Variants in PTPN2 observed in about 807,000 individuals in gnomAD.
The protein encoded by PTPN2 is protein tyrosine phosphatase non-receptor type 2.
PTPN2 carries 19 observed loss-of-function variants against 57.3 expected under a neutral mutation model. The ratio of observed to expected loss-of-function variants is 0.33; its 90% CI spans 0.23 to 0.49. PTPN2 has a LOEUF of 0.49. Ranked by LOEUF, PTPN2 falls within the 20% of genes least tolerant of loss-of-function variation. The pLI, the probability that PTPN2 is intolerant of heterozygous loss-of-function variation, is 0.99. For synonymous variants in PTPN2, 153 were observed against 164.9 expected, an observed-to-expected ratio of 0.93 and a Z score of 0.55; for missense variants, 358 against 501.1, an observed-to-expected ratio of 0.71 and a Z score of 2.73.
chr18:12,840,983 T>C (rs2043025503), intron 2 of PTPN2: 1 of 1,436,324 alleles, frequency 7.0e-7, no homozygotes, highest in Admixed American at 2.7e-5. Flanking sequence ...TCATACACAA[T>C]TTTTAGTCAA....
intron 7 of PTPN2, among the ~76,000 whole-genome samples, chr18:12,803,958 T>C (rs1277319138): frequency 6.6e-6 from 1 of 152,058 alleles, no homozygotes; most frequent in Non-Finnish European, 1.5e-5. Flanking sequence ...ACATTCTCCA[T>C]GATGGACCAT....
chr18:12,805,639 CTTTTTTTTT>C (rs755422217), intron 7 of PTPN2, among the ~76,000 whole-genome samples: 3 of 114,160 alleles, frequency 2.6e-5, no homozygotes, highest in Non-Finnish European at 3.9e-5. Context: ...TGCCTCCTTT[CTTTTTTTTT>C]TTTTTTTTTG....
At chr18:12,842,001 G>A (rs1299672414) in intron 2 of PTPN2, among the ~76,000 whole-genome samples, 1 of 151,930 alleles carries the variant, frequency 6.6e-6, no homozygotes, top group East Asian at 1.9e-4. Flanking sequence ...CCACCTCCTG[G>A]GTTCAAGCAA....
rs530451531 is a variant in PTPN2, at chr18:12,811,128, G to A, written c.858+3075C>T. Among the ~76,000 whole-genome samples the A allele has an allele frequency of 3.3e-5, 5 of 152,154 alleles. 1 individual carries two copies. The Middle Eastern group carries it at 0.01, about 311-fold the overall frequency. ...ATTACCATTATTACACCCTTTTTACGGAAGATGTGGGGAGAATAATTAGGT... is the reference window on the plus strand; with the variant it reads ...ATTACCATTATTACACCCTTTTTACAGAAGATGTGGGGAGAATAATTAGGT... On this transcript the variant is annotated intron_variant, in intron 7 of 8. Coordinates refer to ENST00000309660, the MANE Select transcript of PTPN2 (RefSeq NM_002828.4).
intron 9 of PTPN2, chr18:12,786,218 C>G (rs2847296): frequency 0.97 from 264,268 of 271,226 alleles, 129,150 homozygotes; most frequent in East Asian, 1. Context: ...AGACTTTATA[C>G]TATGTGCTAG....
At chr18:12,820,744 G>A (rs1020227634) in intron 5 of PTPN2, among the ~76,000 whole-genome samples, 1 of 152,138 alleles carries the variant, frequency 6.6e-6, no homozygotes, top group African/African-American at 2.4e-5. Context: ...GGCTGTCCCT[G>A]TCTGCAGCCG....
At chr18:12,847,027 T>C (rs940913318) in intron 2 of PTPN2, among the ~76,000 whole-genome samples, 1 of 138,836 alleles carries the variant, frequency 7.2e-6, no homozygotes, top group Non-Finnish European at 1.5e-5. Context: ...GACAAAACTA[T>C]GTACAAGATT....
chr18:12,883,264 G>C (rs927839278), intron 1 of PTPN2, among the ~76,000 whole-genome samples: 1 of 152,228 alleles, frequency 6.6e-6, no homozygotes, highest in African/African-American at 2.4e-5. Context: ...ACCTCAGTAA[G>C]GAAAACTATA....
downstream of PTPN2, among the ~76,000 whole-genome samples, chr18:12,791,985 C>T (rs1359720781): frequency 6.6e-6 from 1 of 152,072 alleles, no homozygotes; most frequent in African/African-American, 2.4e-5. Flanking sequence ...AAAGACAAAC[C>T]AATGCAAACT....
intron 2 of PTPN2, among the ~76,000 whole-genome samples, chr18:12,845,417 T>C (rs1170412958): frequency 6.6e-6 from 1 of 152,200 alleles, no homozygotes; most frequent in African/African-American, 2.4e-5. Flanking sequence ...TTGTTAGATT[T>C]ATTCCAACAT....
rs2044785117 is a variant in PTPN2, at chr18:12,884,210, G to T, written c.-69C>A. 3.9e-6 allele frequency: 5 copies of T among 1,296,334 alleles called. No individual in the cohort carries two copies. The highest frequency in any genetic ancestry group is 5.2e-6 in the Non-Finnish European group (5 of 968,874). 80.3% of individuals were successfully genotyped at this position (1,296,334 alleles called of 1,614,324 possible). A position where few individuals can be genotyped will look rare whatever the true frequency, so the allele number is the denominator to read the frequency against. ...AGAGGCTCAGGCCCCGCACGATCCG[G>T]GGAGAGCGCTGGCGCTGCGGCGCAT... On this transcript the variant is annotated 5_prime_UTR_variant, in exon 1 of 9. Transcript: ENST00000309660.
intron 2 of PTPN2, among the ~76,000 whole-genome samples, chr18:12,851,641 T>C (rs2043399925): frequency 6.6e-6 from 1 of 152,240 alleles, no homozygotes; most frequent in Non-Finnish European, 1.5e-5. Context: ...GCTACTTTAT[T>C]AGCTGCATAC....
intron 1 of PTPN2, among the ~76,000 whole-genome samples, chr18:12,874,336 T>G (rs2145528286): frequency 7.9e-6 from 1 of 126,484 alleles, no homozygotes; most frequent in South Asian, 2.8e-4. Flanking sequence ...AGCCGCCCCG[T>G]CTGGGAGGTG....
At chr18:12,840,598 G>A (rs2043011523) in intron 2 of PTPN2, 1 of 1,168,232 alleles carries the variant, frequency 8.6e-7, no homozygotes, top group Non-Finnish European at 1.2e-6. Context: ...CCTATGAAGT[G>A]CATATGAATA....
intron 1 of PTPN2, among the ~76,000 whole-genome samples, chr18:12,871,408 G>A (rs1481870191): frequency 6.6e-6 from 1 of 152,074 alleles, no homozygotes; most frequent in Non-Finnish European, 1.5e-5. Context: ...ATTTGAAATT[G>A]TTATTATTGT....
downstream of PTPN2, among the ~76,000 whole-genome samples, chr18:12,788,456 T>TA (rs1199761140): frequency 7.3e-6 from 1 of 137,912 alleles, no homozygotes; most frequent in Non-Finnish European, 1.6e-5. Context: ...TTTTTTTAAA[T>TA]AGAGTGGGGT....
At chr18:12,834,809 A>G (rs535928650) in intron 3 of PTPN2, among the ~76,000 whole-genome samples, 1 of 152,374 alleles carries the variant, frequency 6.6e-6, no homozygotes, top group South Asian at 2.1e-4. Context: ...ATAATGGAGA[A>G]GAACAGTACA....
chr18:12,819,764 T>C (rs182237754), intron 5 of PTPN2, among the ~76,000 whole-genome samples: 3 of 142,376 alleles, frequency 2.1e-5, no homozygotes, highest in Admixed American at 7.2e-5. Context: ...GGGCAGTTAA[T>C]ACGGCAACAC....
chr18:12,789,333 G>A (rs1012708766), downstream of PTPN2, among the ~76,000 whole-genome samples: 2 of 152,220 alleles, frequency 1.3e-5, no homozygotes, highest in African/African-American at 4.8e-5. Context: ...GGAGAAGGAT[G>A]AGTGGAACAG....
Sources: gnomAD v4.1 joint callset for allele counts (sites outside exome capture counted in the v4.1 genomes callset) on GRCh38, gnomAD v4.1.1 for gene constraint, MANE v1.5 for transcripts, NCBI Gene and HGNC (gene_info 2026-07-23, HGNC 2026-07-21) for gene names.